Variants in SLC46A3 observed in about 807,000 individuals in gnomAD.
SLC46A3 encodes the protein lysosomal proton-coupled steroid conjugate and bile acid symporter SLC46A3.
In SLC46A3, 26 loss-of-function variants were observed where a neutral mutation model predicts 38.5. The ratio of observed to expected loss-of-function variants is 0.68; its 90% confidence interval spans 0.49 to 0.94. SLC46A3 has a LOEUF of 0.94. Ranked by LOEUF, SLC46A3 falls within the 40% of genes least tolerant of loss-of-function variation. The probability of loss-of-function intolerance (pLI) is 0.00; values close to 1 mark genes in which losing one functional copy is unlikely to be tolerated. For synonymous variants in SLC46A3, 185 were observed against 192.5 expected (o/e 0.96, Z 0.32); for missense variants, 510 against 544.3 (o/e 0.94, Z 0.63).
At position 28,713,449 on chromosome 13, in the gene SLC46A3, G is replaced by A; in HGVS notation, c.291C>T (p.His97=). Residue 97 remains histidine (H), a synonymous_variant, in exon 3 of 6, where the codon CAC becomes CAT. Coordinates refer to ENST00000266943, the MANE Select transcript of SLC46A3 (RefSeq NM_181785.4). ...STFILLSISD[H]YGRKFPMILS... ...AAATCATAGGGAATTTTCGTCCGTA[G>A]TGATCACTAATAGACAAAAGTATGA... The A allele has an allele frequency of 6.2e-7, 1 of 1,614,112 alleles. No homozygotes were observed.
chr13:28,703,207 A>G (rs1885078216), intron 5 of SLC46A3, among the ~76,000 whole-genome samples: 2 of 152,230 alleles, frequency 1.3e-5, no homozygotes, highest in South Asian at 4.1e-4. Context: ...TTAACGTTTA[A>G]ACAAGTCATT....
rs1424156991 is a variant in SLC46A3 at position 28,717,828 on chromosome 13, T to C, written c.171A>G (p.Pro57=). The part of the protein sequence containing the change: ...ISECEKNKSS[P]IFAFQEEVQK... ...TTCTTACCTCCTGGAATGCAAAAAT[T>C]GGGCTGCTTTTGTTTTTTTCACACT... Residue 57 remains proline (P), a synonymous_variant, in exon 2 of 6, where the codon CCA becomes CCG. Coordinates refer to ENST00000266943, the MANE Select transcript of SLC46A3 (RefSeq NM_181785.4). 1.2e-6 allele frequency: 2 copies of C among 1,613,114 alleles called. No individual in the cohort carries two copies. Among genetic ancestry groups the C allele is most frequent in the Admixed American group, 1.7e-5 (1 of 59,744 alleles).
intron 4 of SLC46A3, among the ~76,000 whole-genome samples, chr13:28,709,792 A>G (rs908238639): frequency 4.6e-5 from 7 of 152,080 alleles, no homozygotes; most frequent in Non-Finnish European, 8.8e-5. Context: ...TCTGCTTCCT[A>G]TCTGGGGCAT....
intron 4 of SLC46A3, among the ~76,000 whole-genome samples, chr13:28,708,419 G>A (rs770376037): frequency 2.0e-5 from 3 of 152,026 alleles, no homozygotes; most frequent in Non-Finnish European, 4.4e-5. Context: ...ATTTTCATGC[G>A]CATATTGGTC....
intron 2 of SLC46A3, among the ~76,000 whole-genome samples, chr13:28,714,156 A>ATT (rs55695561): frequency 5.1e-5 from 7 of 136,528 alleles, no homozygotes; most frequent in Non-Finnish European, 4.7e-5. Flanking sequence ...AAAAAAAAAA[A>ATT]AAACCTTTAT....
In SLC46A3 at chr13:28,700,175, A is replaced by C. The variant is rs1022151931; in HGVS notation, c.*1322T>G. 1 of 152,220 alleles carries C rather than the reference A, an allele frequency of 6.6e-6. No individual in the cohort carries two copies. The highest frequency in any genetic ancestry group is 2.4e-5 in the African/African-American group (1 of 41,454). The allele number at this position is 152,220 out of a possible 1,614,324, so 9.4% of individuals were successfully genotyped here. A position where few individuals can be genotyped will look rare whatever the true frequency, so the allele number is the denominator to read the frequency against. ...TTGTCAGGTAGCAGAAACAATTACA[A>C]GTCGATGGAAAATGCTGGGATCGAA... On this transcript the variant is annotated 3_prime_UTR_variant, in exon 6 of 6. Coordinates refer to ENST00000266943, the MANE Select transcript of SLC46A3 (RefSeq NM_181785.4).
rs374190662 is a variant in SLC46A3 at position 28,713,317 on chromosome 13, A to G, written c.423T>C (p.Cys141=). ...LIASTFIGAF[C]GNYTTFWGAC... is the part of the protein sequence containing the mutation. ...CTCCCCAAAATGTGGTATAATTGCC[A>G]CAAAATGCACCAATGAAGGTAGATG... The change falls in exon 3 of 6, where the codon TGT becomes TGC. Residue 141 remains cysteine (C), a synonymous_variant. Coordinates refer to ENST00000266943, the MANE Select transcript of SLC46A3 (RefSeq NM_181785.4). The G allele has an allele frequency of 1.2e-6, 2 of 1,614,026 alleles. No individual in the cohort carries two copies. Among genetic ancestry groups the G allele is most frequent in the East Asian group, 2.2e-5 (1 of 44,894 alleles).
At position 28,713,010 on chromosome 13, in the gene SLC46A3, G is replaced by T. The variant is rs200182693; in HGVS notation, c.730C>A (p.Arg244=). 8 of 1,612,700 alleles carry T rather than the reference G, an allele frequency of 5.0e-6. No homozygotes were observed. The highest frequency in any genetic ancestry group is 6.8e-6 in the Non-Finnish European group (8 of 1,179,828). Residue 244 remains arginine, a synonymous_variant, in exon 3 of 6, where the codon CGA becomes AGA. Coordinates refer to ENST00000266943, the MANE Select transcript of SLC46A3 (RefSeq NM_181785.4). ...GCATTCTTAAAAAGCATGTAAGTTC[G>T]GTAAAATAGGTTTTTGAAGCCTTCA... ...CSEGFKNLFY[R]TYMLFKNASG...
In SLC46A3 at chr13:28,713,338, A is replaced by G. The variant is rs1885426416; in HGVS notation, c.402T>C (p.Ser134=). Residue 134 remains serine, a synonymous_variant, in exon 3 of 6, where the codon TCT becomes TCC. Coordinates refer to ENST00000266943, the MANE Select transcript of SLC46A3 (RefSeq NM_181785.4). ...TGCCACAAAATGCACCAATGAAGGT[A>G]GATGCAATCAAAAGCTGGAATGGAA... ...FAFPFQLLIA[S]TFIGAFCGNY... is the part of the protein sequence containing the mutation. 1.2e-6 allele frequency: 2 copies of G among 1,613,962 alleles called. No individual in the cohort carries two copies. Among genetic ancestry groups the G allele is most frequent in the African/African-American group, 2.7e-5 (2 of 74,944 alleles).
chr13:28,716,571 G>A lies in SLC46A3; in HGVS notation c.189+1239C>T, dbSNP rs1041504055. ...GACCTAGGAGACATTCTTGAAGGGA[G>A]ATAAGACCGCTGGGTGAGACTCAGG... is the stretch of plus-strand genomic sequence containing the variant. On this transcript the variant is annotated intron_variant, in intron 2 of 5. Transcript: ENST00000266943. Among the ~76,000 whole-genome samples the A allele has an allele frequency of 3.9e-5, 6 of 152,218 alleles. No homozygotes were observed. The East Asian group carries it at 1.2e-3, about 29-fold the overall frequency.
Position 28,710,762 on chromosome 13 carries a change from T to C in SLC46A3, c.1142A>G (p.Gln381Arg). 1.2e-6 allele frequency: 2 copies of C among 1,610,958 alleles called. No homozygotes were observed. The highest frequency in any genetic ancestry group is 1.7e-6 in the Non-Finnish European group (2 of 1,177,486). ...MLSKVVRSTE[Q>R]GTLFACIAFL... ...TTTCTTAAGCAAATTAAACTCACCT[T>C]GTTCAGTCGAACGAACCACTTTTGA... The change falls in exon 4 of 6, where the codon CAA becomes CGA. Residue 381 changes from glutamine to arginine, a missense_variant and splice_region_variant. Physicochemically the swap from Gln to Arg is conservative, Grantham distance 43. Transcript: ENST00000266943.
intron 3 of SLC46A3, among the ~76,000 whole-genome samples, chr13:28,711,590 T>C (rs1032618843): frequency 6.6e-6 from 1 of 152,234 alleles, no homozygotes; most frequent in Admixed American, 6.5e-5. Context: ...TATTTATTGG[T>C]AAACTGGTTC....
At chr13:28,714,157 A>ATAAT (rs67332540) in intron 2 of SLC46A3, among the ~76,000 whole-genome samples, 8 of 143,024 alleles carry the variant, frequency 5.6e-5, no homozygotes, top group African/African-American at 1.8e-4. Context: ...AAAAAAAAAA[A>ATAAT]AACCTTTATT....
chr13:28,714,156 A>C (rs76617547), intron 2 of SLC46A3, among the ~76,000 whole-genome samples: 9 of 136,536 alleles, frequency 6.6e-5, no homozygotes, highest in South Asian at 2.3e-4. Context: ...AAAAAAAAAA[A>C]AAACCTTTAT....
intron 2 of SLC46A3, among the ~76,000 whole-genome samples, chr13:28,717,197 A>T (rs965642770): frequency 6.6e-6 from 1 of 151,720 alleles, no homozygotes; most frequent in Non-Finnish European, 1.5e-5. Context: ...AACGGTGGGT[A>T]CTCCCCACTC....
chr13:28,715,978 C>CA (rs10594317), intron 2 of SLC46A3, among the ~76,000 whole-genome samples: 75,344 of 128,286 alleles, frequency 0.59, 22,596 homozygotes, highest in East Asian at 0.86. Context: ...CCTGTCTCTA[C>CA]AAAAAAAAAA....
At chr13:28,718,066 G>C (rs963459421) in intron 1 of SLC46A3, 44 bp from the exon 2 acceptor site, 1 of 1,505,486 alleles carries the variant, frequency 6.6e-7, no homozygotes, top group Non-Finnish European at 9.0e-7. Flanking sequence ...TCTCATCCCA[G>C]AGGCTAGATA....
intron 2 of SLC46A3, among the ~76,000 whole-genome samples, chr13:28,715,632 T>G (rs934996632): frequency 5.9e-5 from 9 of 152,352 alleles, no homozygotes; most frequent in Admixed American, 5.9e-4. Context: ...AGTTCTGGTG[T>G]TCTGTAGCAC....
intron 2 of SLC46A3, 48 bp downstream of exon 2, chr13:28,717,762 G>T (rs760607216): frequency 6.4e-7 from 1 of 1,563,090 alleles, no homozygotes; most frequent in Non-Finnish European, 8.7e-7. Context: ...TCAAAGCCCG[G>T]TATACATTCC....
Sources: allele counts gnomAD v4.1 joint callset (sites outside exome capture counted in the v4.1 genomes callset), GRCh38; gene constraint gnomAD v4.1.1; transcripts MANE v1.5; gene names NCBI Gene and HGNC (gene_info 2026-07-23, HGNC 2026-07-21).